Variants in ERVV-2 observed in about 807,000 individuals in gnomAD.
ERVV-2 encodes the protein endogenous retrovirus group V member 2 Env polyprotein.
For synonymous variants in ERVV-2, 105 were observed against 184.6 expected (o/e 0.57, Z 3.49); for missense variants, 291 against 495.1 (o/e 0.59, Z 3.91).
chr19:53,045,748 G>A (rs764240686), intron 1 of ERVV-2, among the ~76,000 whole-genome samples: 13 of 151,872 alleles, frequency 8.6e-5, no homozygotes, highest in Non-Finnish European at 1.5e-4. Flanking sequence ...CCCTCTCCTC[G>A]CCGCAGGGAT....
Position 53,050,318 on chromosome 19 carries a change from T to C in ERVV-2, c.1067T>C (p.Ile356Thr). The C allele has an allele frequency of 2.8e-6, 2 of 707,688 alleles. No homozygotes were observed. The highest frequency in any genetic ancestry group is 2.0e-5 in the Admixed American group (1 of 49,540). 43.8% of individuals were successfully genotyped at this position (707,688 alleles called of 1,614,324 possible). The stretch of plus-strand genomic sequence containing the variant: ...ACCCTCAGAAATCTCTCCAGACAAA[T>C]AGACAACATAGCTAAGAGTACCAGA... The part of the protein sequence containing the change: ...DVTLRNLSRQ[I>T]DNIAKSTRDS... The change falls in exon 2 of 2, where the codon ATA becomes ACA. Residue 356 changes from isoleucine (I) to threonine (T), a missense_variant. Transcript: ENST00000601417.
intron 1 of ERVV-2, among the ~76,000 whole-genome samples, 191 bp from the exon 2 acceptor site, chr19:53,048,675 CA>C (rs34725225): frequency 0.4 from 36,913 of 91,974 alleles, 4,092 homozygotes; most frequent in Middle Eastern, 0.47. Flanking sequence ...AATTCCATCT[CA>C]AAAAAAAAAA....
rs551577335 is a variant in ERVV-2, at chr19:53,048,033, C to CAAAACA, written c.-385-830_-385-829insCAAAAA. 3.6e-3 allele frequency among the ~76,000 whole-genome samples: 543 copies of CAAAACA among 151,992 alleles called. 3 individuals carry two copies. Among genetic ancestry groups the CAAAACA allele is most frequent in the African/African-American group, 0.011 (464 of 41,432 alleles). On this transcript the variant is annotated intron_variant, in intron 1 of 1. Transcript: ENST00000601417. ...TTTTGTAAAGGCTGCAAAACGGGCT[C>CAAAACA]AAAAGAAAAAGAAAAGGAAAGGAAA...
At chr19:53,047,550 ATCCT>A (rs2083895871) in intron 1 of ERVV-2, among the ~76,000 whole-genome samples, 1 of 152,176 alleles carries the variant, frequency 6.6e-6, no homozygotes, top group African/African-American at 2.4e-5. Context: ...AATCTAAGAA[ATCCT>A]TCTGAGCAAA....
At chr19:53,047,406 G>A (rs1237771321) in intron 1 of ERVV-2, among the ~76,000 whole-genome samples, 1 of 152,138 alleles carries the variant, frequency 6.6e-6, no homozygotes, top group African/African-American at 2.4e-5. Flanking sequence ...CAACTACTGG[G>A]CTTCCTGCAG....
intron 1 of ERVV-2, among the ~76,000 whole-genome samples, chr19:53,045,778 G>A (rs1362904933): frequency 1.3e-5 from 2 of 152,190 alleles, no homozygotes; most frequent in East Asian, 3.9e-4. Flanking sequence ...TCTTCCTGCG[G>A]GTGCAAGCCT....
chr19:53,046,801 C>T (rs1005733627), intron 1 of ERVV-2, among the ~76,000 whole-genome samples: 1 of 152,198 alleles, frequency 6.6e-6, no homozygotes, highest in East Asian at 1.9e-4. Context: ...TTTGTAATCC[C>T]AGCACTTTCG....
At chr19:53,047,659 A>C (rs2083896206) in intron 1 of ERVV-2, among the ~76,000 whole-genome samples, 1 of 152,218 alleles carries the variant, frequency 6.6e-6, no homozygotes, top group Non-Finnish European at 1.5e-5. Context: ...GAGAGGCATG[A>C]GACACCTCAT....
At chr19:53,046,262 G>A (rs1314614005) in intron 1 of ERVV-2, among the ~76,000 whole-genome samples, 3 of 145,114 alleles carry the variant, frequency 2.1e-5, no homozygotes, top group South Asian at 2.2e-4. Flanking sequence ...AACTCTGTCT[G>A]AAAAAAAAAA....
Position 53,045,267 on chromosome 19 carries a change from A to G in ERVV-2, c.-386+309A>G, listed in dbSNP as rs142274248. On this transcript the variant is annotated intron_variant, in intron 1 of 1. Transcript: ENST00000601417. ...AGGAGGCTTGTGAAGGTGGCAGGGA[A>G]TACGCCTGGCTGTGCAGTGACTGGG... 8.9e-3 allele frequency among the ~76,000 whole-genome samples: 1,351 copies of G among 152,104 alleles called. 11 individuals are homozygous for G. The highest frequency in any genetic ancestry group is 0.027 in the African/African-American group (1,120 of 41,496).
chr19:53,046,839 G>A (rs1341196763), intron 1 of ERVV-2, among the ~76,000 whole-genome samples: 1 of 152,154 alleles, frequency 6.6e-6, no homozygotes, highest in Non-Finnish European at 1.5e-5. Context: ...GTCACCCGAG[G>A]TTGTGAGTTC....
Position 53,051,101 on chromosome 19 carries a change from A to G in ERVV-2, c.*242A>G. ...GTGATGCTGCCCACAGACAGTCAGCACTTCTCTAATAACCCATCCTAGAAC... is the reference window on the plus strand; with the variant it reads ...GTGATGCTGCCCACAGACAGTCAGCGCTTCTCTAATAACCCATCCTAGAAC... On this transcript the variant is annotated 3_prime_UTR_variant, in exon 2 of 2. Coordinates refer to ENST00000601417, the MANE Select transcript of ERVV-2 (RefSeq NM_001191055.2). The G allele has an allele frequency of 2.4e-6, 1 of 418,802 alleles. No individual in the cohort carries two copies. Among genetic ancestry groups the G allele is most frequent in the Non-Finnish European group, 4.2e-6 (1 of 238,380 alleles). The allele number at this position is 418,802 out of a possible 1,614,324, so 25.9% of individuals were successfully genotyped here. A position where few individuals can be genotyped will look rare whatever the true frequency, so the allele number is the denominator to read the frequency against.
chr19:53,046,915 C>G (rs2083893382), intron 1 of ERVV-2, among the ~76,000 whole-genome samples: 1 of 152,180 alleles, frequency 6.6e-6, no homozygotes, highest in African/African-American at 2.4e-5. Context: ...TGCCTATAAT[C>G]CCAGCACTTT....
chr19:53,051,335 G>A lies in ERVV-2; in HGVS notation c.*476G>A, dbSNP rs1482044396. 6.6e-6 allele frequency among the ~76,000 whole-genome samples: 1 copy of A among 151,722 alleles called. No individual in the cohort carries two copies. The highest frequency in any genetic ancestry group is 6.6e-5 in the Admixed American group (1 of 15,202). On this transcript the variant is annotated 3_prime_UTR_variant, in exon 2 of 2. Transcript: ENST00000601417. Reference sequence around the variant, plus strand: ...CTAATTTTGTATTTTTAGTAGAGATGGGGTTTCACCATGTTGGTCAGGCTA... The same window carrying A: ...CTAATTTTGTATTTTTAGTAGAGATAGGGTTTCACCATGTTGGTCAGGCTA...
Position 53,044,881 on chromosome 19 carries a change from C to A in ERVV-2, c.-463C>A, listed in dbSNP as rs2083884590. ...TGACTGAATCCAAGAAGACCAAGAACCAGAGGACTTCCACACCCCTCTGGG... is the reference window on the plus strand; with the variant it reads ...TGACTGAATCCAAGAAGACCAAGAAACAGAGGACTTCCACACCCCTCTGGG... On this transcript the variant is annotated 5_prime_UTR_variant, in exon 1 of 2. Coordinates refer to ENST00000601417, the MANE Select transcript of ERVV-2 (RefSeq NM_001191055.2). The A allele has an allele frequency of 6.6e-6, 1 of 152,110 alleles. No individual in the cohort carries two copies. The highest frequency in any genetic ancestry group is 1.5e-5 in the Non-Finnish European group (1 of 68,040). The allele number at this position is 152,110 out of a possible 1,614,324, so 9.4% of individuals were successfully genotyped here.
At chr19:53,048,472 G>A (rs2083899086) in intron 1 of ERVV-2, among the ~76,000 whole-genome samples, 1 of 151,974 alleles carries the variant, frequency 6.6e-6, no homozygotes, top group Non-Finnish European at 1.5e-5. Flanking sequence ...GAGGTCAGGA[G>A]TTCAAGACCA....
chr19:53,050,816 G>C lies in ERVV-2; in HGVS notation c.1565G>C (p.Ser522Thr). ...AAGCACATCTCCCCCTTGGATGCCA[G>C]TGGGCAAAGATTCCGGGAAACTATG... is the stretch of plus-strand genomic sequence containing the variant. ...TYKHISPLDA[S>T]GQRFRETMEE... Residue 522 changes from serine (S) to threonine (T), a missense_variant, in exon 2 of 2, where the codon AGT (serine) becomes ACT (threonine). Coordinates refer to ENST00000601417, the MANE Select transcript of ERVV-2 (RefSeq NM_001191055.2). The C allele has an allele frequency of 6.5e-7, 1 of 1,535,254 alleles. No homozygotes were observed. Among genetic ancestry groups the C allele is most frequent in the Non-Finnish European group, 8.7e-7 (1 of 1,146,648 alleles).
At position 53,048,913 on chromosome 19, in the gene ERVV-2, G is replaced by A. The variant is rs537194182; in HGVS notation, c.-339G>A. ...CCAGTTGGATACATCAGTCTCAAGT[G>A]AAACTGTGGGAAGGTCCCGAAGAAC... On this transcript the variant is annotated 5_prime_UTR_variant, in exon 2 of 2. Coordinates refer to ENST00000601417, the MANE Select transcript of ERVV-2 (RefSeq NM_001191055.2). 40 of 468,344 alleles carry A rather than the reference G, an allele frequency of 8.5e-5. No homozygotes were observed. The South Asian group carries it at 9.1e-4, about 11-fold the overall frequency. 29.0% of individuals were successfully genotyped at this position (468,344 alleles called of 1,614,324 possible).
Position 53,051,130 on chromosome 19 carries a change from CTTTTGCTTT to C in ERVV-2, c.*276_*284del. On this transcript the variant is annotated 3_prime_UTR_variant, in exon 2 of 2. Transcript: ENST00000601417. ...CTCTAATAACCCATCCTAGAACAGC[CTTTTGCTTT>C]TTTTTTTTTTTTTTTTTTTTTTTTT... The C allele has an allele frequency of 5.6e-6, 1 of 177,702 alleles. No individual in the cohort carries two copies. Among genetic ancestry groups the C allele is most frequent in the Non-Finnish European group, 9.9e-6 (1 of 101,178 alleles). The allele number at this position is 177,702 out of a possible 1,614,324, so 11.0% of individuals were successfully genotyped here.
Sources: allele counts gnomAD v4.1 joint callset (sites outside exome capture counted in the v4.1 genomes callset), GRCh38; gene constraint gnomAD v4.1.1; transcripts MANE v1.5; gene names NCBI Gene and HGNC (gene_info 2026-07-23, HGNC 2026-07-21).